The following MCPH1 variants were observed in gnomAD, a reference collection of about 807,000 sequenced individuals.
MCPH1 encodes the protein microcephalin.
Under a neutral mutation model 84.5 loss-of-function variants are expected in MCPH1, and 104 were observed. The ratio of observed to expected loss-of-function variants is 1.23; its 90% CI spans 1.05 to 1.45. MCPH1 has a LOEUF of 1.45. MCPH1 is among the 40% of genes most tolerant of loss of function. The probability of loss-of-function intolerance (pLI) is 0.00; values close to 1 mark genes in which losing one functional copy is unlikely to be tolerated. For synonymous variants in MCPH1, 514 were observed against 366.8 expected (o/e 1.40, Z -4.58); for missense variants, 1,498 against 1,005.7 (o/e 1.49, Z -6.62).
chr8:6,592,393 C>T (rs1828535864), intron 12 of MCPH1, among the ~76,000 whole-genome samples: 1 of 151,820 alleles, frequency 6.6e-6, no homozygotes, highest in African/African-American at 2.4e-5. Context: ...GCAATCCTCC[C>T]ACCTTGGCCA....
chr8:6,519,692 C>G (rs901135699), intron 12 of MCPH1, among the ~76,000 whole-genome samples: 3 of 152,324 alleles, frequency 2.0e-5, no homozygotes, highest in East Asian at 1.9e-4. Context: ...AGCAGCGGCA[C>G]TTAGAGCCCT....
intron 12 of MCPH1, among the ~76,000 whole-genome samples, chr8:6,556,266 G>A (rs1460155798): frequency 6.6e-6 from 1 of 152,058 alleles, no homozygotes; most frequent in East Asian, 1.9e-4. Flanking sequence ...TATTAAGAAT[G>A]TTTATTTCAG....
rs183670703 is a variant in MCPH1, at chr8:6,414,944, T to C, written c.233+61T>C. ...ATCTAGTATTGAAAATGTGTGGAGA[T>C]ATTTTTCACAGATCGCAGAACCAGA... On this transcript the variant is annotated intron_variant, in intron 3 of 13. Coordinates refer to ENST00000344683, the MANE Select transcript of MCPH1 (RefSeq NM_024596.5). 3.8e-6 allele frequency: 6 copies of C among 1,560,722 alleles called. No individual in the cohort carries two copies. The African/African-American group carries it at 4.1e-5, about 11-fold the overall frequency.
At chr8:6,555,344 C>A (rs1278938000) in intron 12 of MCPH1, among the ~76,000 whole-genome samples, 1 of 152,158 alleles carries the variant, frequency 6.6e-6, no homozygotes, top group Non-Finnish European at 1.5e-5. Context: ...CTGTGAAATC[C>A]AGCGTTTCCC....
chr8:6,480,029 T>A (rs1024460966), intron 10 of MCPH1, among the ~76,000 whole-genome samples: 12 of 152,256 alleles, frequency 7.9e-5, no homozygotes, highest in Admixed American at 2.6e-4. Context: ...CATGCACAGA[T>A]AGGTTCAAAT....
At chr8:6,632,017 T>C (rs1586878269) in intron 13 of MCPH1, among the ~76,000 whole-genome samples, 1 of 152,204 alleles carries the variant, frequency 6.6e-6, no homozygotes, top group East Asian at 1.9e-4. Flanking sequence ...AGGAAGGAGA[T>C]TCTGATACAT....
intron 12 of MCPH1, among the ~76,000 whole-genome samples, chr8:6,577,881 T>C (rs2442589): frequency 0.22 from 33,078 of 152,190 alleles, 3,992 homozygotes; most frequent in Non-Finnish European, 0.28. Context: ...AATCCAGAAT[T>C]TATGTCTTCC....
rs1419484096 is a variant in MCPH1 at position 6,446,046 on chromosome 8, G to A, written c.1825+499G>A. ...TCTGTTGTCAATATTGATTTTTGAA[G>A]AAACTTTGGTCAGTGTTAACTATGA... On this transcript the variant is annotated intron_variant, in intron 8 of 13. Transcript: ENST00000344683. The A allele has an allele frequency of 4.1e-6, 4 of 980,988 alleles. No individual in the cohort carries two copies. The African/African-American group carries it at 7.0e-5, about 17-fold the overall frequency. The allele number at this position is 980,988 out of a possible 1,614,324, so 60.8% of individuals were successfully genotyped here.
intron 2 of MCPH1, among the ~76,000 whole-genome samples, chr8:6,411,401 G>A (rs999816789): frequency 6.6e-6 from 1 of 152,178 alleles, no homozygotes; most frequent in East Asian, 1.9e-4. Context: ...AGCAAGCAAG[G>A]CAGGTTAAAT....
At chr8:6,599,189 T>A (rs1829171053) in intron 12 of MCPH1, among the ~76,000 whole-genome samples, 2 of 152,146 alleles carry the variant, frequency 1.3e-5, no homozygotes, top group Non-Finnish European at 2.9e-5. Flanking sequence ...GCCTTGATGT[T>A]GTTACGTGAT....
intron 12 of MCPH1, among the ~76,000 whole-genome samples, chr8:6,611,093 C>CAT (rs1830215468): frequency 1.3e-5 from 2 of 149,886 alleles, no homozygotes; most frequent in African/African-American, 2.5e-5. Context: ...ACTGTTGCTA[C>CAT]ACACACACAT....
intron 13 of MCPH1, chr8:6,626,093 C>G: frequency 4.1e-6 from 4 of 985,392 alleles, no homozygotes; most frequent in Non-Finnish European, 4.8e-6. Context: ...ACCAACAACT[C>G]CATATCTATG....
At chr8:6,460,196 T>C (rs1003224185) in intron 9 of MCPH1, among the ~76,000 whole-genome samples, 1 of 152,106 alleles carries the variant, frequency 6.6e-6, no homozygotes, top group African/African-American at 2.4e-5. Flanking sequence ...TTTGCTTCTA[T>C]AGCCCATGTC....
chr8:6,599,640 C>G (rs983022098), intron 12 of MCPH1, among the ~76,000 whole-genome samples: 13 of 152,214 alleles, frequency 8.5e-5, no homozygotes, highest in African/African-American at 3.1e-4. Context: ...ACAAGTACAA[C>G]AAATTCTCAG....
At chr8:6,511,193 G>A (rs1815012183) in intron 12 of MCPH1, among the ~76,000 whole-genome samples, 2 of 152,052 alleles carry the variant, frequency 1.3e-5, no homozygotes, top group African/African-American at 4.8e-5. Context: ...GTAATTTTAG[G>A]TCCTTTTGTG....
rs1377855672 is a variant in MCPH1 at position 6,444,436 on chromosome 8, TTGTGGAAACTCAGGA to T, written c.723_737del (p.Ser242_Asn246del). 3 of 1,614,182 alleles carry T rather than the reference TTGTGGAAACTCAGGA, an allele frequency of 1.9e-6. No homozygotes were observed. Among genetic ancestry groups the T allele is most frequent in the Non-Finnish European group, 2.5e-6 (3 of 1,180,014 alleles). ...GCTTACACTCATCTTTTGATGATCT[TTGTGGAAACTCAGGA>T]TGTGGAAATCAGGAAAGGAAGTTGG... On this transcript the variant is annotated inframe_deletion, in exon 8 of 14. Transcript: ENST00000344683.
At chr8:6,483,983 A>G (rs1481220584) in intron 11 of MCPH1, among the ~76,000 whole-genome samples, 2 of 152,336 alleles carry the variant, frequency 1.3e-5, no homozygotes, top group South Asian at 2.1e-4. Flanking sequence ...TAAAACTTCT[A>G]TAAGTAAACA....
At chr8:6,577,184 C>T (rs974163328) in intron 12 of MCPH1, among the ~76,000 whole-genome samples, 3 of 152,206 alleles carry the variant, frequency 2.0e-5, no homozygotes, top group Admixed American at 6.5e-5. Flanking sequence ...AGGTGGCCAG[C>T]GCCTCTTCCT....
At chr8:6,598,996 G>A (rs1276940017) in intron 12 of MCPH1, among the ~76,000 whole-genome samples, 4 of 152,228 alleles carry the variant, frequency 2.6e-5, no homozygotes, top group African/African-American at 9.6e-5. Flanking sequence ...CTTAAGGCAT[G>A]TATTTTAAAA....
Sources: allele counts gnomAD v4.1 joint callset (sites outside exome capture counted in the v4.1 genomes callset), GRCh38; gene constraint gnomAD v4.1.1; transcripts MANE v1.5; gene names NCBI Gene and HGNC (gene_info 2026-07-23, HGNC 2026-07-21).